BCAS3: variants seen among roughly 807,000 people sequenced by gnomAD.
The protein encoded by BCAS3 is BCAS3 microtubule associated cell migration factor.
A neutral mutation model predicts 116.1 loss-of-function variants in BCAS3; 53 were observed. The ratio of observed to expected loss-of-function variants is 0.46; its 90% CI spans 0.37 to 0.57. The LOEUF (loss-of-function observed/expected upper bound fraction) is 0.57. Among genes scored for constraint, BCAS3 ranks in the 20% least tolerant of loss-of-function variants. The pLI is 0.00. For synonymous variants in BCAS3, 391 were observed against 408.2 expected (o/e 0.96, Z 0.51); for missense variants, 917 against 1,165.4 (o/e 0.79, Z 3.10).
chr17:61,070,823 A>G (rs2071356179), intron 19 of BCAS3, among the ~76,000 whole-genome samples: 1 of 152,186 alleles, frequency 6.6e-6, no homozygotes, highest in African/African-American at 2.4e-5. Context: ...TAGACTGACT[A>G]AAATCAAGAG....
chr17:60,930,081 T>A, intron 13 of BCAS3, among the ~76,000 whole-genome samples: 1 of 152,256 alleles, frequency 6.6e-6, no homozygotes, highest in South Asian at 2.1e-4. Context: ...CTTAACACAG[T>A]AGTTACAATT....
Position 61,068,475 on chromosome 17 carries a change from G to T in BCAS3, c.2030-6445G>T, listed in dbSNP as rs2070966055. Among the ~76,000 whole-genome samples the T allele has an allele frequency of 6.6e-6, 1 of 152,118 alleles. No individual in the cohort carries two copies. The highest frequency in any genetic ancestry group is 2.1e-4 in the South Asian group (1 of 4,832). ...AGCATCCATTCTTGTTTCTCATCCA[G>T]CTCCTGTCAGTTGTCTGGACTATGT... On this transcript the variant is annotated intron_variant, in intron 19 of 23. Transcript: ENST00000407086. This position sits in a 1 kb window ranked among gnomAD's most constrained non-coding sequence, Gnocchi z 4.3.
At chr17:61,230,142 T>TACACACACAC (rs58423435) in intron 22 of BCAS3, among the ~76,000 whole-genome samples, 52 of 150,052 alleles carry the variant, frequency 3.5e-4, no homozygotes, top group African/African-American at 1.2e-3. Context: ...AGTGTGTGTA[T>TACACACACAC]ACACACACAC....
chr17:61,178,376 A>C (rs184760352), intron 22 of BCAS3, among the ~76,000 whole-genome samples: 3 of 152,298 alleles, frequency 2.0e-5, no homozygotes, highest in Non-Finnish European at 1.5e-5. Context: ...AGCTGCATAC[A>C]GAGTTTTACC....
intron 22 of BCAS3, among the ~76,000 whole-genome samples, chr17:61,310,553 CAAAA>C (rs374976012): frequency 2.1e-5 from 2 of 97,158 alleles, no homozygotes; most frequent in Admixed American, 1.1e-4. Context: ...GACTCTGTCT[CAAAA>C]AAAAAAAAAA....
At chr17:60,683,858 A>G in intron 2 of BCAS3, 124 bp from the exon 3 acceptor site, 1 of 862,978 alleles carries the variant, frequency 1.2e-6, no homozygotes. Flanking sequence ...AAACAAACAA[A>G]AAAACCCCAA....
chr17:61,074,962 C>T lies in BCAS3; in HGVS notation c.2072C>T (p.Ser691Phe), dbSNP rs747525788. ...GSPGPITRHG[S>F]YDSLASDHSG... Reference sequence around the variant, plus strand: ...CCTGGGCCCATTACTCGACATGGGTCTTACGACAGTTTAGCTTCTGACCAT... The same window carrying T: ...CCTGGGCCCATTACTCGACATGGGTTTTACGACAGTTTAGCTTCTGACCAT... The change falls in exon 20 of 24, where the codon TCT becomes TTT. Residue 691 changes from serine (S) to phenylalanine (F), a missense_variant. Transcript: ENST00000407086. The T allele has an allele frequency of 6.2e-7, 1 of 1,613,708 alleles. No individual in the cohort carries two copies. Among genetic ancestry groups the T allele is most frequent in the Non-Finnish European group, 8.5e-7 (1 of 1,179,748 alleles).
rs554276413 is a variant in BCAS3 at position 60,985,812 on chromosome 17, C to T, written c.1222-4159C>T. Among the ~76,000 whole-genome samples, 6 of 152,346 alleles carry T rather than the reference C, an allele frequency of 3.9e-5. No homozygotes were observed. In the South Asian group the frequency reaches 6.2e-4, roughly 16 times the overall value. On this transcript the variant is annotated intron_variant, in intron 14 of 23. Coordinates refer to ENST00000407086, the MANE Select transcript of BCAS3 (RefSeq NM_017679.5). Reference sequence around the variant, plus strand: ...AGTTCAGTGGCACGATCTCAGCTCACTGCAACCTCCACCTCCTGGGTTCAA... The same window carrying T: ...AGTTCAGTGGCACGATCTCAGCTCATTGCAACCTCCACCTCCTGGGTTCAA...
At position 61,261,507 on chromosome 17, in the gene BCAS3, A is replaced by G. The variant is rs1028281559; in HGVS notation, c.2426-106820A>G. Reference sequence around the variant, plus strand: ...GCATTTTGTCCACATCTGTTTTCCAACCTCATTACTCTTCTGTTATTACAT... The same window carrying G: ...GCATTTTGTCCACATCTGTTTTCCAGCCTCATTACTCTTCTGTTATTACAT... On this transcript the variant is annotated intron_variant, in intron 22 of 23. Transcript: ENST00000407086. The surrounding 1 kb of genome is among the most constrained non-coding windows in gnomAD (Gnocchi z 4.4). Among the ~76,000 whole-genome samples the G allele has an allele frequency of 4.6e-5, 7 of 151,950 alleles. No homozygotes were observed. The highest frequency in any genetic ancestry group is 1.7e-4 in the African/African-American group (7 of 41,368).
At position 60,724,198 on chromosome 17, in the gene BCAS3, C is replaced by A. The variant is rs559801490; in HGVS notation, c.321+14873C>A. On this transcript the variant is annotated intron_variant, in intron 5 of 23. Coordinates refer to ENST00000407086, the MANE Select transcript of BCAS3 (RefSeq NM_017679.5). Reference sequence around the variant, plus strand: ...CAGCACTTTGAGAGGCCAAGGCAGGCGGGCCCCTTGAGGTCAGGAGTTCAA... The same window carrying A: ...CAGCACTTTGAGAGGCCAAGGCAGGAGGGCCCCTTGAGGTCAGGAGTTCAA... Among the ~76,000 whole-genome samples the A allele has an allele frequency of 2.0e-5, 3 of 150,968 alleles. No homozygotes were observed. In the South Asian group the frequency reaches 6.3e-4, roughly 32 times the overall value.
intron 22 of BCAS3, among the ~76,000 whole-genome samples, chr17:61,091,282 T>C (rs147933266): frequency 6.6e-6 from 1 of 152,314 alleles, no homozygotes; most frequent in Non-Finnish European, 1.5e-5. Context: ...TTCCACATAT[T>C]TACATGGGAC....
rs2082370650 is a variant in BCAS3, at chr17:61,226,327, G to A, written c.2425+141763G>A. Among the ~76,000 whole-genome samples the A allele has an allele frequency of 6.6e-6, 1 of 152,110 alleles. No individual in the cohort carries two copies. The highest frequency in any genetic ancestry group is 1.9e-4 in the East Asian group (1 of 5,200). On this transcript the variant is annotated intron_variant, in intron 22 of 23. Transcript: ENST00000407086. This position sits in a 1 kb window ranked among gnomAD's most constrained non-coding sequence, Gnocchi z 6.0. ...ACCTAATTTTCAGGTAAGCCCAGCT[G>A]GTCTAAAAAGATTGGCAATATTTGA...
At chr17:61,055,198 G>A (rs1167111377) in intron 19 of BCAS3, among the ~76,000 whole-genome samples, 13 of 152,176 alleles carry the variant, frequency 8.5e-5, no homozygotes, top group Admixed American at 7.9e-4. Context: ...AGGAGCTTGT[G>A]GGTTGATGTG....
intron 13 of BCAS3, among the ~76,000 whole-genome samples, chr17:60,931,460 A>G (rs898248683): frequency 6.6e-6 from 1 of 151,970 alleles, no homozygotes; most frequent in South Asian, 2.1e-4. Flanking sequence ...TATTTTTAGT[A>G]GCGATGGCAT....
intron 18 of BCAS3, 119 bp downstream of exon 18, chr17:61,038,173 A>G (rs1422402499): frequency 1.2e-6 from 1 of 856,458 alleles, no homozygotes; most frequent in African/African-American, 1.7e-5. Context: ...CACAATTAAC[A>G]TGGTAAACAA....
At position 61,222,044 on chromosome 17, in the gene BCAS3, A is replaced by G. The variant is rs1402419924; in HGVS notation, c.2425+137480A>G. Among the ~76,000 whole-genome samples the G allele has an allele frequency of 6.6e-6, 1 of 152,230 alleles. No individual in the cohort carries two copies. Among genetic ancestry groups the G allele is most frequent in the Non-Finnish European group, 1.5e-5 (1 of 68,052 alleles). ...ATATTACTATTACTATTAAGAATACATACCTGCTGCTCACTAAGTGTACAT... is the reference window on the plus strand; with the variant it reads ...ATATTACTATTACTATTAAGAATACGTACCTGCTGCTCACTAAGTGTACAT... On this transcript the variant is annotated intron_variant, in intron 22 of 23. Coordinates refer to ENST00000407086, the MANE Select transcript of BCAS3 (RefSeq NM_017679.5). This position sits in a 1 kb window ranked among gnomAD's most constrained non-coding sequence, Gnocchi z 6.1.
intron 14 of BCAS3, among the ~76,000 whole-genome samples, chr17:60,973,349 CTTG>C (rs766013192): frequency 3.9e-5 from 6 of 151,992 alleles, no homozygotes; most frequent in Non-Finnish European, 7.4e-5. Flanking sequence ...TATGTCACCA[CTTG>C]TTGTAAAAGA....
intron 5 of BCAS3, among the ~76,000 whole-genome samples, chr17:60,723,685 G>A (rs2039488165): frequency 6.9e-6 from 1 of 145,018 alleles, no homozygotes; most frequent in Non-Finnish European, 1.5e-5. Context: ...CTACTTTATA[G>A]CTATTGTTAC....
rs182034696 is a variant in BCAS3, at chr17:61,053,032, C to T, written c.2029+12140C>T. 1.7e-3 allele frequency among the ~76,000 whole-genome samples: 258 copies of T among 152,102 alleles called. 1 individual carries two copies. Among genetic ancestry groups the T allele is most frequent in the African/African-American group, 5.4e-3 (224 of 41,512 alleles). On this transcript the variant is annotated intron_variant, in intron 19 of 23. Transcript: ENST00000407086. ...ACGCCTGGCCTGTGGTGAGTTTCTT[C>T]TGAATAGCTGGGCTGTCTATTGATT...
Sources: gnomAD v4.1 joint callset for allele counts (sites outside exome capture counted in the v4.1 genomes callset) on GRCh38, gnomAD v4.1.1 for gene constraint, Gnocchi (gnomAD v3.1) non-coding constraint, MANE v1.5 for transcripts, NCBI Gene and HGNC (gene_info 2026-07-23, HGNC 2026-07-21) for gene names.